PPP2R5D: variants seen among roughly 807,000 people sequenced by gnomAD.
The protein encoded by PPP2R5D is protein phosphatase 2 regulatory subunit B'delta.
A neutral mutation model predicts 79.1 loss-of-function variants in PPP2R5D; 12 were observed. The observed-to-expected ratio is 0.15, with a 90% CI of 0.10 to 0.25. The LOEUF (loss-of-function observed/expected upper bound fraction) is 0.25, where lower values mean the gene tolerates loss of function less well. Among genes scored for constraint, PPP2R5D ranks in the 10% least tolerant of loss-of-function variants. The pLI is 1.00. For missense variants in PPP2R5D, 419 were observed against 760.2 expected, an observed-to-expected ratio of 0.55 and a Z score of 5.28; for synonymous variants, 277 against 286.6, an observed-to-expected ratio of 0.97 and a Z score of 0.34.
rs1357387774 is a variant in PPP2R5D at position 43,011,621 on chromosome 6, A to T, written c.*335A>T. 6.2e-6 allele frequency: 2 copies of T among 321,658 alleles called. No homozygotes were observed. Among genetic ancestry groups the T allele is most frequent in the Non-Finnish European group, 1.2e-5 (2 of 171,684 alleles). 19.9% of individuals were successfully genotyped at this position (321,658 alleles called of 1,614,324 possible). On this transcript the variant is annotated 3_prime_UTR_variant, in exon 16 of 16. Coordinates refer to ENST00000485511, the MANE Select transcript of PPP2R5D (RefSeq NM_006245.4). ...CACACAGGAATACATACGCTCCTCT[A>T]TTCTTCCCTTCATCCTCATTTGAAC... is the stretch of plus-strand genomic sequence containing the variant.
chr6:43,001,935 CAA>C (rs200486132), intron 2 of PPP2R5D, among the ~76,000 whole-genome samples: 22 of 125,636 alleles, frequency 1.8e-4, no homozygotes, highest in African/African-American at 2.8e-4. Flanking sequence ...GACTCTGTCT[CAA>C]AAAAAAAAAA....
At chr6:43,004,643 C>T (rs539716479) in intron 2 of PPP2R5D, among the ~76,000 whole-genome samples, 1 of 142,454 alleles carries the variant, frequency 7.0e-6, no homozygotes, top group Admixed American at 7.3e-5. Context: ...CCTCATCATT[C>T]TTATGCCTTT....
Position 43,009,155 on chromosome 6 carries a change from T to C in PPP2R5D, c.1179T>C (p.Pro393=). ...ELEEILDVIE[P]SEFSKVMEPL... ...AGGAGATTCTGGACGTCATTGAACC[T>C]TCTGAGTTCAGCAAAGTGATGGAAC... Residue 393 remains proline, a synonymous_variant, in exon 11 of 16, where the codon CCT becomes CCC. Transcript: ENST00000485511. This position sits in a 1 kb window ranked among gnomAD's most constrained non-coding sequence, Gnocchi z 5.6. 2.5e-6 allele frequency: 4 copies of C among 1,614,176 alleles called. No homozygotes were observed. The highest frequency in any genetic ancestry group is 1.3e-5 in the African/African-American group (1 of 75,020).
chr6:43,012,307 A>G lies in PPP2R5D; in HGVS notation c.*1021A>G, dbSNP rs921112376. 7.8e-6 allele frequency: 11 copies of G among 1,415,198 alleles called. No homozygotes were observed. In the East Asian group the frequency reaches 1.2e-4, roughly 16 times the overall value. The allele number at this position is 1,415,198 out of a possible 1,614,324, so 87.7% of individuals were successfully genotyped here. On this transcript the variant is annotated 3_prime_UTR_variant, in exon 16 of 16. Transcript: ENST00000485511. ...GGGTTGGGCTTGGACCGATGTCCCCATATGTACAGAACTGAATAAAGTGGG... is the reference window on the plus strand; with the variant it reads ...GGGTTGGGCTTGGACCGATGTCCCCGTATGTACAGAACTGAATAAAGTGGG...
At chr6:43,000,183 C>T (rs1038109353) in intron 2 of PPP2R5D, among the ~76,000 whole-genome samples, 30 of 150,116 alleles carry the variant, frequency 2.0e-4, no homozygotes, top group African/African-American at 6.4e-4. Flanking sequence ...ATCTAGCCAC[C>T]TTGGCCTGCC....
chr6:43,007,190 C>G lies in PPP2R5D; in HGVS notation c.523-6C>G. On this transcript the variant is annotated splice_polypyrimidine_tract_variant and splice_region_variant and intron_variant, in intron 4 of 15. Transcript: ENST00000485511. The surrounding 1 kb of genome is among the most constrained non-coding windows in gnomAD (Gnocchi z 4.5). ...AGGTGGAGCTCTAACTGGCCCTACC[C>G]CTCAGTTTTCAGTGAACCTCTTCCG... The G allele has an allele frequency of 6.2e-7, 1 of 1,614,092 alleles. No individual in the cohort carries two copies.
Position 43,012,054 on chromosome 6 carries a change from C to G in PPP2R5D, c.*768C>G. The stretch of plus-strand genomic sequence containing the variant: ...TTTTCTGTGCTGTTGGTTCCCAAAA[C>G]TAGAAAGAAGGAAGCAGGGAGCGGT... On this transcript the variant is annotated 3_prime_UTR_variant, in exon 16 of 16. Transcript: ENST00000485511. 2.9e-6 allele frequency: 1 copy of G among 345,722 alleles called. No individual in the cohort carries two copies. The highest frequency in any genetic ancestry group is 4.1e-6 in the Non-Finnish European group (1 of 244,010). The allele number at this position is 345,722 out of a possible 1,614,324, so 21.4% of individuals were successfully genotyped here.
intron 1 of PPP2R5D, among the ~76,000 whole-genome samples, chr6:42,987,787 G>A (rs752480144): frequency 6.6e-6 from 1 of 152,144 alleles, no homozygotes; most frequent in Non-Finnish European, 1.5e-5. Flanking sequence ...TGAAAGATAC[G>A]TCTGAGGCAT....
chr6:43,007,778 T>C lies in PPP2R5D; in HGVS notation c.727-157T>C, dbSNP rs1286244840. 6.6e-6 allele frequency among the ~76,000 whole-genome samples: 1 copy of C among 152,158 alleles called. No homozygotes were observed. The highest frequency in any genetic ancestry group is 1.5e-5 in the Non-Finnish European group (1 of 68,044). On this transcript the variant is annotated intron_variant, in intron 6 of 15. Coordinates refer to ENST00000485511, the MANE Select transcript of PPP2R5D (RefSeq NM_006245.4). The surrounding 1 kb of genome is among the most constrained non-coding windows in gnomAD (Gnocchi z 4.5). ...TTTGGAAGTCTCAGTACAAATACAA[T>C]AGAATCAGCAATATAATAGAATCAC...
chr6:42,984,730 C>G lies in PPP2R5D; in HGVS notation c.27+26C>G, dbSNP rs374978854. ...GTGAGCGTGGCCCTTTTTCCCCCACCGCCGCCTTGGAGCCTGCGCGGAGCT... is the reference window on the plus strand; with the variant it reads ...GTGAGCGTGGCCCTTTTTCCCCCACGGCCGCCTTGGAGCCTGCGCGGAGCT... On this transcript the variant is annotated intron_variant, in intron 1 of 15. Transcript: ENST00000485511. The G allele has an allele frequency of 8.7e-6, 14 of 1,611,762 alleles. 1 individual carries two copies. In the African/African-American group the frequency reaches 1.5e-4, roughly 17 times the overall value.
chr6:42,993,357 G>A (rs1771411214), intron 2 of PPP2R5D, among the ~76,000 whole-genome samples: 1 of 152,012 alleles, frequency 6.6e-6, no homozygotes, highest in African/African-American at 2.4e-5. Context: ...TGTAATCCCA[G>A]CTACTGGGGA....
In PPP2R5D at chr6:42,992,651, AAAAAAAT is replaced by A. The variant is rs1322674515; in HGVS notation, c.105+2978_105+2984del. Among the ~76,000 whole-genome samples the A allele has an allele frequency of 3.9e-5, 6 of 152,000 alleles. No individual in the cohort carries two copies. The East Asian group carries it at 7.8e-4, about 20-fold the overall frequency. ...CAACATACAGAGACCCTGTCTCTAC[AAAAAAAT>A]AAAAAATAAAAAATTAGCTGGATGT... On this transcript the variant is annotated intron_variant, in intron 2 of 15. Transcript: ENST00000485511.
intron 2 of PPP2R5D, among the ~76,000 whole-genome samples, chr6:42,995,557 CTT>C (rs11309891): frequency 4.8e-5 from 7 of 144,794 alleles, no homozygotes; most frequent in African/African-American, 7.6e-5. Context: ...CATGTTTATT[CTT>C]TTTTTTTTTT....
At chr6:42,984,793 A>G in intron 1 of PPP2R5D, 89 bp downstream of exon 1, 1 of 1,576,984 alleles carries the variant, frequency 6.3e-7, no homozygotes, top group South Asian at 1.2e-5. Flanking sequence ...ACAGCCCCAG[A>G]CTGACCCTCC....
intron 1 of PPP2R5D, among the ~76,000 whole-genome samples, chr6:42,985,779 T>C (rs1044129082): frequency 3.3e-5 from 5 of 150,200 alleles, no homozygotes; most frequent in East Asian, 1.9e-4. Context: ...CCATTTCTTT[T>C]TTTTTTTTTT....
At position 43,007,127 on chromosome 6, in the gene PPP2R5D, GAC is replaced by G. The variant is rs985518430; in HGVS notation, c.522+21_522+22del. ...GTCACCATGGTGGGCACAGGGAAAG[GAC>G]ACAGGGGGGACTGGTGAGGGGCTCT... On this transcript the variant is annotated intron_variant, in intron 4 of 15. Coordinates refer to ENST00000485511, the MANE Select transcript of PPP2R5D (RefSeq NM_006245.4). This position sits in a 1 kb window ranked among gnomAD's most constrained non-coding sequence, Gnocchi z 4.5. 9 of 1,614,162 alleles carry G rather than the reference GAC, an allele frequency of 5.6e-6. No homozygotes were observed. Among genetic ancestry groups the G allele is most frequent in the Non-Finnish European group, 7.6e-6 (9 of 1,180,036 alleles).
intron 2 of PPP2R5D, among the ~76,000 whole-genome samples, chr6:42,995,211 G>GCCTCAA (rs1771571491): frequency 1.4e-5 from 2 of 144,622 alleles, no homozygotes; most frequent in Admixed American, 1.4e-4. Context: ...GCTCACTGCA[G>GCCTCAA]CCTCAACCTC....
chr6:42,993,518 C>T (rs1000835168), intron 2 of PPP2R5D, among the ~76,000 whole-genome samples: 1 of 152,162 alleles, frequency 6.6e-6, no homozygotes, highest in African/African-American at 2.4e-5. Flanking sequence ...TCTCTCAGCT[C>T]TGGAGGCCAA....
At position 43,006,052 on chromosome 6, in the gene PPP2R5D, T is replaced by C. The variant is rs1331199004; in HGVS notation, c.106-411T>C. Among the ~76,000 whole-genome samples the C allele has an allele frequency of 6.6e-6, 1 of 152,218 alleles. No homozygotes were observed. The highest frequency in any genetic ancestry group is 1.5e-5 in the Non-Finnish European group (1 of 68,038). On this transcript the variant is annotated intron_variant, in intron 2 of 15. Transcript: ENST00000485511. The surrounding 1 kb of genome is among the most constrained non-coding windows in gnomAD (Gnocchi z 4.7). ...CAGTCAAGATACAGGATGTTTACAT[T>C]ACTCAGAAGGCTCCTCATGTCTCTT...
Sources: allele counts gnomAD v4.1 joint callset (sites outside exome capture counted in the v4.1 genomes callset), GRCh38; gene constraint gnomAD v4.1.1; non-coding constraint Gnocchi (gnomAD v3.1); transcripts MANE v1.5; gene names NCBI Gene and HGNC (gene_info 2026-07-23, HGNC 2026-07-21).